The following ZNF45 variants were observed in gnomAD, a reference collection of about 807,000 sequenced individuals.
The protein encoded by ZNF45 is zinc finger protein 45.
A neutral mutation model predicts 12.0 loss-of-function variants in ZNF45; 4 were observed. The observed-to-expected ratio is 0.33, with a 90% CI of 0.16 to 0.76. The LOEUF (loss-of-function observed/expected upper bound fraction) is 0.76. Ranked by LOEUF, ZNF45 falls within the 30% of genes least tolerant of loss-of-function variation. ZNF45 has a pLI of 0.60. For synonymous variants in ZNF45, 272 were observed against 279.6 expected, an observed-to-expected ratio of 0.97 and a Z score of 0.27; for missense variants, 700 against 813.0, an observed-to-expected ratio of 0.86 and a Z score of 1.69.
chr19:43,916,618 A>G (rs1972700557), intron 9 of ZNF45, among the ~76,000 whole-genome samples: 1 of 152,152 alleles, frequency 6.6e-6, no homozygotes, highest in Non-Finnish European at 1.5e-5. Flanking sequence ...ATCATTCACC[A>G]CTTTATCATC....
intron 7 of ZNF45, 81 bp downstream of exon 7, chr19:43,922,090 T>G: frequency 6.9e-7 from 1 of 1,457,026 alleles, no homozygotes; most frequent in Non-Finnish European, 9.5e-7. Flanking sequence ...TCCTTCATCT[T>G]CCTAACAAAG....
intron 3 of ZNF45, chr19:43,926,556 G>A (rs1973692739): frequency 6.6e-6 from 1 of 152,210 alleles, no homozygotes; most frequent in Non-Finnish European, 1.5e-5. Flanking sequence ...GTGAAGACTT[G>A]TGGGAACCTT....
At position 43,932,107 on chromosome 19, in the gene ZNF45, G is replaced by A. The variant is rs1004403748; in HGVS notation, c.-400+497C>T. On this transcript the variant is annotated intron_variant, in intron 3 of 9. Transcript: ENST00000269973. ...TCCCAGCACTTTGAGAGGCGGAGGC[G>A]GGCAGATCACTTGAGGTCAGGAGTT... Among the ~76,000 whole-genome samples the A allele has an allele frequency of 5.9e-5, 9 of 152,098 alleles. No homozygotes were observed. In the South Asian group the frequency reaches 6.2e-4, roughly 11 times the overall value.
At position 43,922,166 on chromosome 19, in the gene ZNF45, C is replaced by A. The variant is rs759678466; in HGVS notation, c.15+5G>T. The A allele has an allele frequency of 8.0e-5, 129 of 1,609,882 alleles. No homozygotes were observed. Among genetic ancestry groups the A allele is most frequent in the Non-Finnish European group, 1.1e-4 (126 of 1,177,202 alleles). On this transcript the variant is annotated splice_donor_5th_base_variant and intron_variant, in intron 7 of 9. Transcript: ENST00000269973. The stretch of plus-strand genomic sequence containing the variant: ...TTATTACGGAGAAAGGGAGGTCCAA[C>A]TCACCTTAGACTTCGTCATTTTGTC...
At position 43,913,309 on chromosome 19, in the gene ZNF45, TATAAAAC is replaced by T. The variant is rs1460376375; in HGVS notation, c.*71_*77del. 2.7e-6 allele frequency: 4 copies of T among 1,496,022 alleles called. No homozygotes were observed. The African/African-American group carries it at 5.6e-5, about 21-fold the overall frequency. 92.7% of individuals were successfully genotyped at this position (1,496,022 alleles called of 1,614,324 possible). On this transcript the variant is annotated 3_prime_UTR_variant, in exon 10 of 10. Coordinates refer to ENST00000269973, the MANE Select transcript of ZNF45 (RefSeq NM_003425.4). ...AATCACTTGGCTGAACTACTGACTC[TATAAAAC>T]AAATGTTTTGTCTATGATAGCTCTG...
chr19:43,935,211 G>T lies in ZNF45; in HGVS notation c.-1043C>A, dbSNP rs563895166. The T allele has an allele frequency of 6.6e-6, 1 of 152,376 alleles. No homozygotes were observed. The highest frequency in any genetic ancestry group is 6.5e-5 in the Admixed American group (1 of 15,306). 9.4% of individuals were successfully genotyped at this position (152,376 alleles called of 1,614,324 possible). ...CCATAAAAGTTAAAACAGGTCGCGG[G>T]GTCCCAGGACTCACTCACTTCCACG... On this transcript the variant is annotated 5_prime_UTR_variant, in exon 1 of 10. Transcript: ENST00000269973.
intron 7 of ZNF45, among the ~76,000 whole-genome samples, chr19:43,920,537 G>GT (rs1446831355): frequency 4.1e-5 from 2 of 48,792 alleles, no homozygotes; most frequent in Non-Finnish European, 4.8e-5. Flanking sequence ...TTGCCGGGTG[G>GT]GGGGGGGGGG....
intron 9 of ZNF45, 28 bp from the exon 10 acceptor site, chr19:43,915,228 G>A: frequency 6.8e-7 from 1 of 1,468,314 alleles, no homozygotes; most frequent in Admixed American, 2.4e-5. Flanking sequence ...ATGTGGAGAT[G>A]GGGCATGTGA....
intron 8 of ZNF45, 78 bp downstream of exon 8, chr19:43,919,495 G>C: frequency 2.7e-6 from 4 of 1,498,102 alleles, no homozygotes; most frequent in Admixed American, 2.3e-5. Context: ...CAGTTCAAGA[G>C]CTCCAAAGCC....
intron 3 of ZNF45, among the ~76,000 whole-genome samples, chr19:43,930,325 T>C (rs760183222): frequency 3.9e-5 from 6 of 152,126 alleles, no homozygotes; most frequent in East Asian, 1.9e-4. Context: ...GTTTCAATGT[T>C]TGGGGGACAC....
intron 9 of ZNF45, among the ~76,000 whole-genome samples, chr19:43,917,609 C>T (rs982383786): frequency 6.6e-6 from 1 of 152,188 alleles, no homozygotes; most frequent in African/African-American, 2.4e-5. Flanking sequence ...CCTCAGCCCC[C>T]CAAGTAGTTG....
At position 43,914,328 on chromosome 19, in the gene ZNF45, T is replaced by C. The variant is rs1400548567; in HGVS notation, c.1108A>G (p.Ser370Gly). The change falls in exon 10 of 10, where the codon AGT becomes GGT. Residue 370 changes from serine to glycine, a missense_variant. By Grantham distance (56) the Ser-to-Gly change is moderately conservative. Transcript: ENST00000269973. ...TGGGCCTGAAGGTGTGAACCCACAC[T>C]GAAACCTTTCCCACACTCCTCACAC... ...YKCEECGKGFSVGSHLQAHQI... is the reference protein window; with the variant it reads ...YKCEECGKGFGVGSHLQAHQI... 1 of 1,612,902 alleles carries C rather than the reference T, an allele frequency of 6.2e-7. No homozygotes were observed. The highest frequency in any genetic ancestry group is 1.7e-4 in the Middle Eastern group (1 of 6,052).
In ZNF45 at chr19:43,918,943, A is replaced by G. The variant is rs1289441440; in HGVS notation, c.162T>C (p.Asp54=). ...VVSVGHQSTP[D]GLPQLEREEK... ...CTTCTCTCTCTAACTGTGGTAGGCCATCTGGTGTGGACTGATGCCCTGTGA... is the reference window on the plus strand; with the variant it reads ...CTTCTCTCTCTAACTGTGGTAGGCCGTCTGGTGTGGACTGATGCCCTGTGA... Residue 54 remains aspartate, a synonymous_variant, in exon 9 of 10, where the codon GAT becomes GAC. Coordinates refer to ENST00000269973, the MANE Select transcript of ZNF45 (RefSeq NM_003425.4). The G allele has an allele frequency of 1.9e-6, 3 of 1,614,146 alleles. No individual in the cohort carries two copies. The highest frequency in any genetic ancestry group is 1.3e-5 in the African/African-American group (1 of 75,054).
intron 3 of ZNF45, among the ~76,000 whole-genome samples, chr19:43,928,181 CAAAAAAAAA>C (rs71338710): frequency 1.1e-5 from 1 of 93,894 alleles, no homozygotes; most frequent in East Asian, 3.0e-4. Context: ...AACTCTGTCT[CAAAAAAAAA>C]AAAAAAAAAA....
chr19:43,928,181 CA>C (rs71338710), intron 3 of ZNF45, among the ~76,000 whole-genome samples: 166 of 93,864 alleles, frequency 1.8e-3, no homozygotes, highest in East Asian at 0.014. Flanking sequence ...AACTCTGTCT[CA>C]AAAAAAAAAA....
At chr19:43,925,501 T>C (rs1380313455) in intron 3 of ZNF45, 43 bp from the exon 4 acceptor site, 1 of 152,230 alleles carries the variant, frequency 6.6e-6, no homozygotes, top group Non-Finnish European at 1.5e-5. Context: ...ATTAAAAGCT[T>C]AGTATTAGTT....
chr19:43,928,722 AAAG>A (rs1171578251), intron 3 of ZNF45, among the ~76,000 whole-genome samples: 3 of 152,246 alleles, frequency 2.0e-5, no homozygotes, highest in East Asian at 3.8e-4. Flanking sequence ...AAAAAGAACT[AAAG>A]AAGGTAAAAA....
At chr19:43,922,909 T>A (rs1403500431) in intron 6 of ZNF45, among the ~76,000 whole-genome samples, 2 of 143,410 alleles carry the variant, frequency 1.4e-5, no homozygotes, top group African/African-American at 5.1e-5. Flanking sequence ...CACTAAAGCC[T>A]TGACCTCCTG....
Position 43,913,593 on chromosome 19 carries a change from C to T in ZNF45, c.1843G>A (p.Glu615Lys). The T allele has an allele frequency of 6.2e-7, 1 of 1,614,022 alleles. No homozygotes were observed. Residue 615 changes from glutamate (E) to lysine (K), a missense_variant, in exon 10 of 10, where the codon GAG (glutamate) becomes AAG (lysine). Glu to Lys is a moderately conservative substitution (Grantham distance 56). Coordinates refer to ENST00000269973, the MANE Select transcript of ZNF45 (RefSeq NM_003425.4). ...VHTGERPYKC[E>K]ECGKVFSWSS... ...CAGCTGAAGACTTTCCCACATTCCT[C>T]ACATTTGTATGGTCTCTCTCCTGTG... is the stretch of plus-strand genomic sequence containing the variant.
Sources: gnomAD v4.1 joint callset for allele counts (sites outside exome capture counted in the v4.1 genomes callset) on GRCh38, gnomAD v4.1.1 for gene constraint, MANE v1.5 for transcripts, NCBI Gene and HGNC (gene_info 2026-07-23, HGNC 2026-07-21) for gene names.